Variants in KRT32 observed in about 807,000 individuals in gnomAD.
KRT32 encodes keratin, type I cuticular Ha2.
A neutral mutation model predicts 41.8 loss-of-function variants in KRT32; 44 were observed. That is an observed-to-expected ratio of 1.05 (90% confidence interval 0.83 to 1.35). KRT32 has a LOEUF of 1.35. Among genes scored for constraint, KRT32 ranks in the 40% most tolerant of loss-of-function variants. The pLI, the probability that KRT32 is intolerant of heterozygous loss-of-function variation, is 0.00. For synonymous variants in KRT32, 238 were observed against 242.5 expected (o/e 0.98, Z 0.17); for missense variants, 576 against 584.6 (o/e 0.99, Z 0.15).
chr17:41,460,378 G>T, intron 6 of KRT32, 139 bp from the exon 7 acceptor site: 4 of 1,085,516 alleles, frequency 3.7e-6, no homozygotes, highest in Non-Finnish European at 5.4e-6. Context: ...CCCAACCTCC[G>T]CCATCTTTGC....
chr17:41,466,201 G>A (rs753574558), intron 1 of KRT32, 25 bp from the exon 2 acceptor site: 1 of 1,597,496 alleles, frequency 6.3e-7, no homozygotes, highest in East Asian at 2.2e-5. Context: ...ACATGGAGAG[G>A]GTTAGTTCAG....
rs546813713 is a variant in KRT32, at chr17:41,464,118, A to G, written c.956T>C (p.Val319Ala). ...QSDIIDLRRT[V>A]NTLEIELQAQ... is the part of the protein sequence containing the mutation. ...CTGCAGCTCGATCTCCAGCGTGTTGACCGTGCGTCTCAGGTCAATGATGTC... is the reference window on the plus strand; with the variant it reads ...CTGCAGCTCGATCTCCAGCGTGTTGGCCGTGCGTCTCAGGTCAATGATGTC... The change falls in exon 5 of 7, where the codon GTC becomes GCC. Residue 319 changes from valine to alanine, a missense_variant. Coordinates refer to ENST00000225899, the MANE Select transcript of KRT32 (RefSeq NM_002278.3). The G allele has an allele frequency of 6.2e-7, 1 of 1,611,850 alleles. No homozygotes were observed. Among genetic ancestry groups the G allele is most frequent in the Admixed American group, 1.7e-5 (1 of 59,856 alleles).
intron 6 of KRT32, among the ~76,000 whole-genome samples, chr17:41,462,045 A>G (rs2019005907): frequency 6.6e-6 from 1 of 152,088 alleles, no homozygotes; most frequent in Admixed American, 6.5e-5. Context: ...TCCTGCTGCT[A>G]TCAGGGCCAT....
rs1266467713 is a variant in KRT32, at chr17:41,459,543, GATTCTCAATT to G, written c.*557_*566del. On this transcript the variant is annotated 3_prime_UTR_variant, in exon 7 of 7. Transcript: ENST00000225899. ...TTTAGGGGTGGGTTTATTATGATATGATTCTCAATTACAGTAATTTGGCCTAGGTTTCTGG... is the reference window on the plus strand; with the variant it reads ...TTTAGGGGTGGGTTTATTATGATATGACAGTAATTTGGCCTAGGTTTCTGG... 6.6e-6 allele frequency among the ~76,000 whole-genome samples: 1 copy of G among 152,150 alleles called. No individual in the cohort carries two copies. Among genetic ancestry groups the G allele is most frequent in the Non-Finnish European group, 1.5e-5 (1 of 68,022 alleles).
chr17:41,466,969 C>G lies in KRT32; in HGVS notation c.357G>C (p.Gln119His), dbSNP rs1269285973. Residue 119 changes from glutamine to histidine, a missense_variant, in exon 1 of 7, where the codon CAG becomes CAC. Coordinates refer to ENST00000225899, the MANE Select transcript of KRT32 (RefSeq NM_002278.3). The part of the protein sequence containing the change: ...SYLTRVRQLE[Q>H]ENAELESRIQ... ...TCCTGCTCTCCAGCTCCGCATTCTC[C>G]TGCTCCAGCTGCCGCACCCTCGTCA... 6.2e-7 allele frequency: 1 copy of G among 1,614,244 alleles called. No homozygotes were observed. The highest frequency in any genetic ancestry group is 8.5e-7 in the Non-Finnish European group (1 of 1,180,044).
At chr17:41,462,622 A>G (rs1424067736) in intron 6 of KRT32, among the ~76,000 whole-genome samples, 1 of 152,178 alleles carries the variant, frequency 6.6e-6, no homozygotes, top group Non-Finnish European at 1.5e-5. Context: ...GCTTGGAATG[A>G]GATAGAATGG....
chr17:41,462,637 C>T (rs925081540), intron 6 of KRT32, among the ~76,000 whole-genome samples, 193 bp downstream of exon 6: 5 of 152,132 alleles, frequency 3.3e-5, no homozygotes, highest in African/African-American at 1.2e-4. Flanking sequence ...GAATGGTCTC[C>T]GAGGGGCTTG....
rs762610129 is a variant in KRT32, at chr17:41,467,045, C to T, written c.281G>A (p.Gly94Asp). ...GSWYSEGAFN[G>D]NEKETMQFLN... ...GAACTGCATGGTTTCCTTCTCATTG[C>T]CATTGAAGGCCCCTTCGCTGTACCA... is the stretch of plus-strand genomic sequence containing the variant. The change falls in exon 1 of 7, where the codon GGC (glycine) becomes GAC (aspartate). Residue 94 changes from glycine to aspartate, a missense_variant. By Grantham distance (94) the Gly-to-Asp change is moderately conservative. Coordinates refer to ENST00000225899, the MANE Select transcript of KRT32 (RefSeq NM_002278.3). 8.1e-6 allele frequency: 13 copies of T among 1,614,134 alleles called. No homozygotes were observed. In the Admixed American group the frequency reaches 2.0e-4, roughly 25 times the overall value.
At chr17:41,461,288 C>A (rs2019000005) in intron 6 of KRT32, among the ~76,000 whole-genome samples, 1 of 152,044 alleles carries the variant, frequency 6.6e-6, no homozygotes, top group South Asian at 2.1e-4. Context: ...AGAATAGGCA[C>A]CTAATAAGAA....
At chr17:41,464,523 G>A (rs1567701688) in intron 3 of KRT32, 80 bp from the exon 4 acceptor site, 7 of 1,357,588 alleles carry the variant, frequency 5.2e-6, no homozygotes, top group Non-Finnish European at 6.9e-6. Context: ...ATGAAAAGAT[G>A]CAACAAAAGT....
intron 6 of KRT32, among the ~76,000 whole-genome samples, chr17:41,461,832 C>T (rs1174864370): frequency 1.2e-4 from 18 of 152,236 alleles, no homozygotes; most frequent in Admixed American, 1.2e-3. Context: ...ACAGCTACAA[C>T]AGTCGTCAGC....
In KRT32 at chr17:41,467,172, G is replaced by T. The variant is rs2144455521; in HGVS notation, c.154C>A (p.Leu52Met). ...QPMACLPSVC[L>M]PTTFRPASCL... ...CTGGCTGGCCGGAAGGTGGTGGGCA[G>T]GCAGACCGAAGGCAGGCATGCCATG... The change falls in exon 1 of 7, where the codon CTG becomes ATG. Residue 52 changes from leucine to methionine, a missense_variant. Transcript: ENST00000225899. 6.2e-7 allele frequency: 1 copy of T among 1,614,070 alleles called. No homozygotes were observed.
rs2144455953 is a variant in KRT32 at position 41,467,358 on chromosome 17, A to G, written c.-33T>C. ...AGGCCCTTTCTCCTCAGCCACAGCT[A>G]CCTGGATGTCTACAGACCCCATGCC... On this transcript the variant is annotated 5_prime_UTR_variant, in exon 1 of 7. Transcript: ENST00000225899. 1.3e-6 allele frequency: 2 copies of G among 1,537,276 alleles called. No individual in the cohort carries two copies. Among genetic ancestry groups the G allele is most frequent in the Non-Finnish European group, 1.8e-6 (2 of 1,129,146 alleles).
intron 5 of KRT32, among the ~76,000 whole-genome samples, chr17:41,463,617 A>G (rs1250287737): frequency 6.6e-6 from 1 of 152,056 alleles, no homozygotes; most frequent in Non-Finnish European, 1.5e-5. Flanking sequence ...AGGCAGGAAA[A>G]TCACTTGAAC....
In KRT32 at chr17:41,466,082, G is replaced by T. The variant is rs367815390; in HGVS notation, c.551+12C>A. The stretch of plus-strand genomic sequence containing the variant: ...AGGTCCTCCCCAGCTCCAGCCCCCC[G>T]ACTGAACTCACTTGGCCCTGAAGTC... On this transcript the variant is annotated intron_variant, in intron 2 of 6. Coordinates refer to ENST00000225899, the MANE Select transcript of KRT32 (RefSeq NM_002278.3). The T allele has an allele frequency of 2.7e-5, 43 of 1,613,452 alleles. No homozygotes were observed. Among genetic ancestry groups the T allele is most frequent in the Non-Finnish European group, 3.3e-5 (39 of 1,179,596 alleles).
chr17:41,465,348 C>T (rs943695742), intron 3 of KRT32, among the ~76,000 whole-genome samples: 2 of 152,122 alleles, frequency 1.3e-5, no homozygotes, highest in African/African-American at 4.8e-5. Flanking sequence ...GGCCATTCAA[C>T]GTGAGATCTG....
chr17:41,463,658 G>T (rs2144449309), intron 5 of KRT32, among the ~76,000 whole-genome samples: 1 of 151,388 alleles, frequency 6.6e-6, no homozygotes, highest in East Asian at 1.9e-4. Flanking sequence ...AGGGAGCTGA[G>T]ATCATGCCAC....
In KRT32 at chr17:41,462,801, CT is replaced by C. The variant is rs201027985; in HGVS notation, c.1217+28del. 9,568 of 1,610,150 alleles carry C rather than the reference CT, an allele frequency of 5.9e-3. 76 individuals are homozygous for C. Among genetic ancestry groups the C allele is most frequent in the South Asian group, 9.1e-3 (825 of 90,876 alleles). On this transcript the variant is annotated intron_variant, in intron 6 of 6. Coordinates refer to ENST00000225899, the MANE Select transcript of KRT32 (RefSeq NM_002278.3). ...AACCTCCCAGAATCCCTGCCCACGT[CT>C]CTCTAAGCCTCAGCTGGGCCTGCGT...
In KRT32 at chr17:41,460,258, G is replaced by A. The variant is rs1282678302; in HGVS notation, c.1218-19C>T. On this transcript the variant is annotated intron_variant, in intron 6 of 6. Transcript: ENST00000225899. ...GGGCAGCCTGCAGGAGAAAGTCAAA[G>A]AGAAACAGGATTAGTAGAGAAGGCC... 8.3e-6 allele frequency: 13 copies of A among 1,571,258 alleles called. No individual in the cohort carries two copies. The highest frequency in any genetic ancestry group is 1.1e-5 in the Non-Finnish European group (13 of 1,157,998).
Sources: allele counts gnomAD v4.1 joint callset (sites outside exome capture counted in the v4.1 genomes callset), GRCh38; gene constraint gnomAD v4.1.1; transcripts MANE v1.5; gene names NCBI Gene and HGNC (gene_info 2026-07-23, HGNC 2026-07-21).